FGF14: variants seen among roughly 807,000 people sequenced by gnomAD.
FGF14 encodes the protein fibroblast growth factor homologous factor 4.
In FGF14, 5 loss-of-function variants were observed where a neutral mutation model predicts 25.5. That is an observed-to-expected ratio of 0.20 (90% CI 0.10 to 0.41). FGF14 has a LOEUF of 0.41. Ranked by LOEUF, FGF14 falls within the 10% of genes least tolerant of loss-of-function variation. The probability of loss-of-function intolerance (pLI) is 1.00; values close to 1 mark genes in which losing one functional copy is unlikely to be tolerated. For missense variants in FGF14, 222 were observed against 320.1 expected (o/e 0.69, Z 2.34); for synonymous variants, 138 against 118.3 (o/e 1.17, Z -1.08).
chr13:102,261,388 A>T (rs2052707840), intron 1 of FGF14, among the ~76,000 whole-genome samples: 1 of 152,234 alleles, frequency 6.6e-6, no homozygotes, highest in Admixed American at 6.5e-5. Context: ...AATGGGAAAA[A>T]AATGAAAGTA....
At chr13:101,723,818 G>C (rs548048774) in intron 4 of FGF14, among the ~76,000 whole-genome samples, 1 of 120,716 alleles carries the variant, frequency 8.3e-6, no homozygotes, top group African/African-American at 2.6e-5. Flanking sequence ...AGTGACTGAT[G>C]GTTGGGGAAA....
At chr13:102,231,199 T>C (rs1451482242) in intron 1 of FGF14, among the ~76,000 whole-genome samples, 1 of 152,210 alleles carries the variant, frequency 6.6e-6, no homozygotes, top group African/African-American at 2.4e-5. Context: ...ATTTTTTAAG[T>C]CCTGAATTTT....
intron 1 of FGF14, among the ~76,000 whole-genome samples, chr13:102,334,378 G>A (rs1004879930): frequency 1.3e-5 from 2 of 152,282 alleles, no homozygotes; most frequent in South Asian, 2.1e-4. Context: ...ATGATGTTCA[G>A]CATTAGCCTG....
intron 1 of FGF14, among the ~76,000 whole-genome samples, chr13:102,306,396 T>C (rs1349922725): frequency 5.4e-5 from 8 of 148,292 alleles, no homozygotes; most frequent in East Asian, 2.0e-4. Context: ...CATATCATGC[T>C]TGAGAGAAGG....
chr13:102,207,283 AAAAT>A (rs1241613161), intron 1 of FGF14, among the ~76,000 whole-genome samples: 2 of 151,960 alleles, frequency 1.3e-5, no homozygotes, highest in East Asian at 1.9e-4. Flanking sequence ...CCATCTCGAA[AAAAT>A]AAATAAATAA....
rs1244540787 is a variant in FGF14, at chr13:101,717,660, ATTC to A, written c.*5168_*5170del. The A allele has an allele frequency of 6.7e-5, 10 of 149,664 alleles. No homozygotes were observed. The highest frequency in any genetic ancestry group is 6.6e-4 in the South Asian group (3 of 4,532). 9.3% of individuals were successfully genotyped at this position (149,664 alleles called of 1,614,324 possible). The stretch of plus-strand genomic sequence containing the variant: ...CGGACCACGTACGTCCCTGTCTCAT[ATTC>A]TTCTTTGTTGGTTTCTGTTTAATAC... On this transcript the variant is annotated 3_prime_UTR_variant, in exon 5 of 5. Coordinates refer to ENST00000376143, the MANE Select transcript of FGF14 (RefSeq NM_004115.4).
intron 3 of FGF14, among the ~76,000 whole-genome samples, chr13:101,758,635 T>G (rs1718836013): frequency 6.6e-6 from 1 of 152,216 alleles, no homozygotes; most frequent in South Asian, 2.1e-4. Context: ...CCCAGAAATC[T>G]AAACCTAATA....
intron 1 of FGF14, among the ~76,000 whole-genome samples, chr13:101,946,769 A>T (rs952247985): frequency 6.6e-6 from 1 of 152,244 alleles, no homozygotes; most frequent in Non-Finnish European, 1.5e-5. Context: ...GGACTAGGTC[A>T]CAAGGCTGAT....
At chr13:101,750,913 A>T (rs1476725308) in intron 3 of FGF14, among the ~76,000 whole-genome samples, 1 of 152,174 alleles carries the variant, frequency 6.6e-6, no homozygotes, top group Non-Finnish European at 1.5e-5. Context: ...CATATTACTA[A>T]GTAAGAGAAG....
intron 1 of FGF14, among the ~76,000 whole-genome samples, chr13:102,319,970 A>G (rs2056182260): frequency 1.3e-5 from 2 of 152,222 alleles, no homozygotes; most frequent in Admixed American, 1.3e-4. Context: ...CCAGATTTAT[A>G]GAGCATATTG....
At chr13:101,973,640 T>C (rs545976359) in intron 1 of FGF14, among the ~76,000 whole-genome samples, 1 of 152,182 alleles carries the variant, frequency 6.6e-6, no homozygotes, top group Admixed American at 6.5e-5. Flanking sequence ...GGGAGAAAGA[T>C]GTAGGCTGGG....
chr13:102,320,203 C>T (rs1300662722), intron 1 of FGF14, among the ~76,000 whole-genome samples: 1 of 150,344 alleles, frequency 6.7e-6, no homozygotes, highest in Non-Finnish European at 1.5e-5. Flanking sequence ...AGAATGAGTT[C>T]TATCACCCAA....
At position 102,266,361 on chromosome 13, in the gene FGF14, A is replaced by C. The variant is rs2052993309; in HGVS notation, c.208+135110T>G. ...GAGGAACCTCCCTCTTTGTAATTGC[A>C]TACCGAGGTCACCATATCAGTGATA... On this transcript the variant is annotated intron_variant, in intron 1 of 4. Coordinates refer to the FGF14 transcript ENST00000376131. Among the ~76,000 whole-genome samples, 5 of 152,160 alleles carry C rather than the reference A, an allele frequency of 3.3e-5. No individual in the cohort carries two copies. The South Asian group carries it at 8.3e-4, about 25-fold the overall frequency.
intron 1 of FGF14, among the ~76,000 whole-genome samples, chr13:101,969,324 G>A (rs1285869343): frequency 6.6e-6 from 1 of 152,200 alleles, no homozygotes; most frequent in Non-Finnish European, 1.5e-5. Context: ...AGCACTTTGG[G>A]AGGCCGAGGT....
intron 1 of FGF14, among the ~76,000 whole-genome samples, chr13:102,001,475 G>T (rs952158594): frequency 5.9e-5 from 9 of 152,150 alleles, no homozygotes; most frequent in Admixed American, 5.9e-4. Flanking sequence ...CTGGAATAAA[G>T]GGATGAGACC....
rs952599870 is a variant in FGF14, at chr13:101,747,349, T to A, written c.409-20539A>T. ...CAGAGATTCAGCAGTGAAAAAGATA[T>A]AATTTCCTGCCCTCAAGGAAGTTTA... On this transcript the variant is annotated intron_variant, in intron 3 of 4. Coordinates refer to ENST00000376143, the MANE Select transcript of FGF14 (RefSeq NM_004115.4). Among the ~76,000 whole-genome samples the A allele has an allele frequency of 5.9e-5, 9 of 152,146 alleles. No individual in the cohort carries two copies. In the East Asian group the frequency reaches 1.7e-3, roughly 29 times the overall value.
rs1853309 is a variant in FGF14, at chr13:101,969,250, G to T, written c.209-93954C>A. On this transcript the variant is annotated intron_variant, in intron 1 of 4. Transcript: ENST00000376131. Reference sequence around the variant, plus strand: ...AACAACTTCATCTGGTCTGGTTACTGGGGATTGAAGGATAAGAAACGGTAT... The same window carrying T: ...AACAACTTCATCTGGTCTGGTTACTTGGGATTGAAGGATAAGAAACGGTAT... 8.6e-5 allele frequency among the ~76,000 whole-genome samples: 13 copies of T among 152,044 alleles called. No homozygotes were observed. The East Asian group carries it at 2.1e-3, about 25-fold the overall frequency.
chr13:101,817,387 A>C (rs1004176350), intron 3 of FGF14, among the ~76,000 whole-genome samples: 1 of 152,134 alleles, frequency 6.6e-6, no homozygotes, highest in Non-Finnish European at 1.5e-5. Flanking sequence ...TTAAATACAA[A>C]ATTTGCTCTA....
At chr13:101,972,889 G>A (rs1238659128) in intron 1 of FGF14, among the ~76,000 whole-genome samples, 1 of 152,126 alleles carries the variant, frequency 6.6e-6, no homozygotes, top group Non-Finnish European at 1.5e-5. Flanking sequence ...TTTGCTGGGG[G>A]AGAGCTTCAG....
Sources: gnomAD v4.1 joint callset for allele counts (sites outside exome capture counted in the v4.1 genomes callset) on GRCh38, gnomAD v4.1.1 for gene constraint, MANE v1.5 for transcripts, NCBI Gene and HGNC (gene_info 2026-07-23, HGNC 2026-07-21) for gene names.